The following MMP16 variants were observed in gnomAD, a reference collection of about 807,000 sequenced individuals.
The protein encoded by MMP16 is matrix metallopeptidase 16, also known as matrix metalloproteinase-16.
A neutral mutation model predicts 67.8 loss-of-function variants in MMP16; 12 were observed. The ratio of observed to expected loss-of-function variants is 0.18; its 90% CI spans 0.11 to 0.29. MMP16 has a LOEUF of 0.29. Among genes scored for constraint, MMP16 ranks in the 10% least tolerant of loss-of-function variants. The probability of loss-of-function intolerance (pLI) is 1.00; values close to 1 mark genes in which losing one functional copy is unlikely to be tolerated. For synonymous variants in MMP16, 249 were observed against 255.9 expected (o/e 0.97, Z 0.26); for missense variants, 475 against 765.7 (o/e 0.62, Z 4.48).
intron 1 of MMP16, among the ~76,000 whole-genome samples, chr8:88,254,662 C>T (rs1810274633): frequency 6.6e-6 from 1 of 151,962 alleles, no homozygotes; most frequent in Admixed American, 6.6e-5. Context: ...ATGTCTGAAA[C>T]CTGTACATAA....
intron 1 of MMP16, among the ~76,000 whole-genome samples, chr8:88,277,044 A>T (rs943073258): frequency 1.3e-5 from 2 of 152,196 alleles, no homozygotes; most frequent in Non-Finnish European, 2.9e-5. Context: ...TATTAAAATT[A>T]GAAAATCTTA....
chr8:88,052,925 A>G (rs1439976249), intron 8 of MMP16, among the ~76,000 whole-genome samples: 1 of 152,098 alleles, frequency 6.6e-6, no homozygotes, highest in Admixed American at 6.5e-5. Context: ...TCACTGTGAA[A>G]ATTATCAGGG....
At chr8:88,238,401 T>C (rs2129893097) in intron 1 of MMP16, among the ~76,000 whole-genome samples, 1 of 152,192 alleles carries the variant, frequency 6.6e-6, no homozygotes, top group East Asian at 1.9e-4. Context: ...CTTGCATCTG[T>C]AATCCCAGCA....
In MMP16 at chr8:88,243,524, C is replaced by A. The variant is rs549507547; in HGVS notation, c.133-46218G>T. On this transcript the variant is annotated intron_variant, in intron 1 of 9. Coordinates refer to ENST00000286614, the MANE Select transcript of MMP16 (RefSeq NM_005941.5). Reference sequence around the variant, plus strand: ...GTATATATTCTAATTTGTTTCCAGTCAGCATGATTTCACCCAGAAAATGTT... The same window carrying A: ...GTATATATTCTAATTTGTTTCCAGTAAGCATGATTTCACCCAGAAAATGTT... 2.0e-5 allele frequency among the ~76,000 whole-genome samples: 3 copies of A among 152,230 alleles called. No homozygotes were observed. In the South Asian group the frequency reaches 6.2e-4, roughly 32 times the overall value.
intron 4 of MMP16, among the ~76,000 whole-genome samples, chr8:88,156,291 T>G (rs1260620531): frequency 6.6e-6 from 1 of 152,104 alleles, no homozygotes; most frequent in East Asian, 1.9e-4. Flanking sequence ...TCAGGACACA[T>G]GCATCTGGTA....
intron 1 of MMP16, among the ~76,000 whole-genome samples, chr8:88,254,359 G>A (rs1810270663): frequency 6.6e-6 from 1 of 150,766 alleles, no homozygotes; most frequent in South Asian, 2.1e-4. Flanking sequence ...ATGGGTACTA[G>A]GCTCAATACC....
intron 1 of MMP16, among the ~76,000 whole-genome samples, chr8:88,272,501 G>A (rs1166690827): frequency 7.1e-6 from 1 of 140,532 alleles, no homozygotes; most frequent in East Asian, 2.3e-4. Context: ...GTGATTAGGA[G>A]AGGGCTAAAA....
intron 1 of MMP16, 143 bp downstream of exon 1, chr8:88,326,932 T>C (rs1811548358): frequency 9.5e-7 from 1 of 1,050,184 alleles, no homozygotes; most frequent in African/African-American, 1.6e-5. Context: ...ACCCTTAAAC[T>C]GAACCAGGGT....
At chr8:88,259,725 C>T (rs1436885476) in intron 1 of MMP16, among the ~76,000 whole-genome samples, 3 of 151,980 alleles carry the variant, frequency 2.0e-5, no homozygotes, top group African/African-American at 7.2e-5. Context: ...AAATACTATG[C>T]GGACATAAAA....
intron 6 of MMP16, among the ~76,000 whole-genome samples, chr8:88,087,403 A>T (rs540911680): frequency 6.6e-6 from 1 of 152,008 alleles, no homozygotes; most frequent in South Asian, 2.1e-4. Flanking sequence ...TTCTCACAGC[A>T]TACCTTAGTT....
chr8:88,163,057 A>G (rs1295428994), intron 4 of MMP16, among the ~76,000 whole-genome samples: 1 of 152,104 alleles, frequency 6.6e-6, no homozygotes, highest in East Asian at 1.9e-4. Context: ...CAGCTGTAAA[A>G]TGAGCAGGAA....
chr8:88,111,874 T>C lies in MMP16; in HGVS notation c.1083+4633A>G, dbSNP rs139782908. ...TTCTTCAGTAGAATTAAGAAAGTGG[T>C]CGTAAATGAAGATGGTCACATCTAA... On this transcript the variant is annotated intron_variant, in intron 6 of 9. Transcript: ENST00000286614. 2.4e-4 allele frequency among the ~76,000 whole-genome samples: 36 copies of C among 151,786 alleles called. No individual in the cohort carries two copies. In the East Asian group the frequency reaches 7.0e-3, roughly 30 times the overall value.
intron 4 of MMP16, among the ~76,000 whole-genome samples, chr8:88,129,119 A>G (rs1807985271): frequency 6.6e-6 from 1 of 151,766 alleles, no homozygotes; most frequent in African/African-American, 2.4e-5. Flanking sequence ...AACCCATGTA[A>G]CATGATTCTC....
chr8:88,045,341 T>C (rs760906842), intron 9 of MMP16, among the ~76,000 whole-genome samples: 2 of 152,008 alleles, frequency 1.3e-5, no homozygotes, highest in Non-Finnish European at 2.9e-5. Context: ...GTTTTCTTTT[T>C]CTTTCTTTCT....
intron 1 of MMP16, among the ~76,000 whole-genome samples, chr8:88,303,692 G>A (rs965916525): frequency 1.6e-4 from 25 of 152,172 alleles, no homozygotes; most frequent in African/African-American, 6.0e-4. Context: ...CTAGGGTCTG[G>A]AGCAGACCCC....
At chr8:88,086,905 C>G (rs1808842850) in intron 6 of MMP16, among the ~76,000 whole-genome samples, 1 of 151,832 alleles carries the variant, frequency 6.6e-6, no homozygotes, top group Non-Finnish European at 1.5e-5. Context: ...AAAGACTGTA[C>G]CCCTTAACCC....
intron 1 of MMP16, among the ~76,000 whole-genome samples, chr8:88,207,695 T>TA (rs34890040): frequency 0.67 from 98,383 of 146,000 alleles, 34,493 homozygotes; most frequent in Non-Finnish European, 0.81. Context: ...GGACCATTGT[T>TA]AAAAAAAAAA....
chr8:88,157,818 C>T (rs1041552728), intron 4 of MMP16, among the ~76,000 whole-genome samples: 8 of 151,670 alleles, frequency 5.3e-5, no homozygotes, highest in African/African-American at 1.7e-4. Flanking sequence ...CTATGCCTCC[C>T]CCATCCCCCC....
At chr8:88,271,978 G>C (rs1325672549) in intron 1 of MMP16, among the ~76,000 whole-genome samples, 1 of 152,190 alleles carries the variant, frequency 6.6e-6, no homozygotes, top group Non-Finnish European at 1.5e-5. Flanking sequence ...AGATATTTAA[G>C]TTAGCAGTTT....
Sources: gnomAD v4.1 joint callset for allele counts (sites outside exome capture counted in the v4.1 genomes callset) on GRCh38, gnomAD v4.1.1 for gene constraint, MANE v1.5 for transcripts, NCBI Gene and HGNC (gene_info 2026-07-23, HGNC 2026-07-21) for gene names.